The following ANKRD36 variants were observed in gnomAD, a reference collection of about 807,000 sequenced individuals.
The protein encoded by ANKRD36 is ankyrin repeat domain-containing protein 36A.
A neutral mutation model predicts 278.1 loss-of-function variants in ANKRD36; 179 were observed. The ratio of observed to expected loss-of-function variants is 0.64; its 90% CI spans 0.57 to 0.73. The LOEUF (loss-of-function observed/expected upper bound fraction) is 0.73. Among genes scored for constraint, ANKRD36 ranks in the 30% least tolerant of loss-of-function variants. ANKRD36 has a pLI of 0.00. For missense variants in ANKRD36, 1,159 were observed against 1,956.7 expected, an observed-to-expected ratio of 0.59 and a Z score of 7.69; for synonymous variants, 320 against 641.1, an observed-to-expected ratio of 0.50 and a Z score of 7.57.
chr2:97,201,192 C>G (rs12329064), intron 46 of ANKRD36, among the ~76,000 whole-genome samples: 1 of 151,620 alleles, frequency 6.6e-6, no homozygotes, highest in Non-Finnish European at 1.5e-5. Flanking sequence ...TTTGTTACTA[C>G]TAGGCATCAG....
At chr2:97,231,477 G>A (rs780792248) in intron 67 of ANKRD36, among the ~76,000 whole-genome samples, 1 of 152,140 alleles carries the variant, frequency 6.6e-6, no homozygotes, top group African/African-American at 2.4e-5. Context: ...CGTTTTTTAA[G>A]CCCGTCGGAA....
intron 26 of ANKRD36, among the ~76,000 whole-genome samples, 189 bp from the exon 27 acceptor site, chr2:97,183,270 G>A (rs572992176): frequency 6.6e-6 from 1 of 151,732 alleles, no homozygotes; most frequent in African/African-American, 2.4e-5. Flanking sequence ...TATATTTTCT[G>A]GAAGCGTGTA....
At chr2:97,140,344 T>C (rs2042574149) in intron 6 of ANKRD36, among the ~76,000 whole-genome samples, 1 of 151,884 alleles carries the variant, frequency 6.6e-6, no homozygotes, top group South Asian at 2.1e-4. Flanking sequence ...TCAGAACCCA[T>C]TTCTCTGGAA....
intron 44 of ANKRD36, among the ~76,000 whole-genome samples, chr2:97,200,018 G>T (rs2060887280): frequency 1.3e-5 from 2 of 151,892 alleles, no homozygotes; most frequent in Admixed American, 1.3e-4. Context: ...TATATGAGTT[G>T]CTCCTCTGAT....
chr2:97,142,239 G>A (rs944656011), intron 6 of ANKRD36, among the ~76,000 whole-genome samples: 22 of 152,396 alleles, frequency 1.4e-4, no homozygotes, highest in Non-Finnish European at 2.9e-5. Flanking sequence ...GTATAATGGT[G>A]TATTTCCTTC....
In ANKRD36 at chr2:97,129,449, T is replaced by C. The variant is rs564622914; in HGVS notation, c.799+2315T>C. 7.3e-4 allele frequency among the ~76,000 whole-genome samples: 111 copies of C among 152,206 alleles called. No individual in the cohort carries two copies. In the East Asian group the frequency reaches 0.018, roughly 25 times the overall value. ...CTGTTCACTCTGATGGTAATTTCTTTTGCTGTGCAGAAGCTCTTTAGTTTA... is the reference window on the plus strand; with the variant it reads ...CTGTTCACTCTGATGGTAATTTCTTCTGCTGTGCAGAAGCTCTTTAGTTTA... On this transcript the variant is annotated intron_variant, in intron 6 of 75. Transcript: ENST00000420699.
chr2:97,134,801 C>T, intron 6 of ANKRD36, among the ~76,000 whole-genome samples: 1 of 151,994 alleles, frequency 6.6e-6, no homozygotes, highest in Middle Eastern at 3.2e-3. Context: ...TCCCTGGCAA[C>T]TTGCCATACC....
chr2:97,118,101 G>A lies in ANKRD36; in HGVS notation c.235G>A (p.Glu79Lys). The change falls in exon 2 of 76, where the codon GAA (glutamate) becomes AAA (lysine). Residue 79 changes from glutamate to lysine, a missense_variant. Coordinates refer to ENST00000420699, the MANE Select transcript of ANKRD36 (RefSeq NM_001354587.1). ...TTTGGCCTGTGCCACTGGCCAACCG[G>A]AAATGGTACATCTCCTGGTGTCCAG... ...LHLACATGQP[E>K]MVHLLVSRRC... 6.4e-7 allele frequency: 1 copy of A among 1,557,808 alleles called. No homozygotes were observed. Among genetic ancestry groups the A allele is most frequent in the East Asian group, 2.4e-5 (1 of 41,468 alleles).
chr2:97,147,150 T>C (rs1263582317), intron 11 of ANKRD36, among the ~76,000 whole-genome samples: 1 of 151,894 alleles, frequency 6.6e-6, no homozygotes, highest in Admixed American at 6.6e-5. Context: ...ATGACAACTA[T>C]ATTTAGCATA....
chr2:97,178,799 G>T (rs2055198828), intron 22 of ANKRD36, among the ~76,000 whole-genome samples: 1 of 91,110 alleles, frequency 1.1e-5, no homozygotes, highest in South Asian at 2.4e-4. Flanking sequence ...TGCACAATGT[G>T]CGCATGTACC....
At chr2:97,164,493 G>C (rs200300948) in intron 20 of ANKRD36, 24 bp downstream of exon 20, 20 of 1,352,268 alleles carry the variant, frequency 1.5e-5, no homozygotes, top group Non-Finnish European at 1.9e-5. Context: ...TACAAATTTC[G>C]TTCTAGAAAA....
intron 6 of ANKRD36, among the ~76,000 whole-genome samples, chr2:97,132,274 G>C (rs1402222666): frequency 6.6e-6 from 1 of 151,724 alleles, no homozygotes; most frequent in Non-Finnish European, 1.5e-5. Flanking sequence ...GGGACTACAG[G>C]TGTGTGTCAT....
chr2:97,219,809 T>C (rs2066916169), intron 66 of ANKRD36, among the ~76,000 whole-genome samples: 1 of 140,280 alleles, frequency 7.1e-6, no homozygotes, highest in African/African-American at 2.9e-5. Flanking sequence ...TTCAGATGTT[T>C]CTACTTTTAC....
At chr2:97,143,518 T>G (rs1476726652) in intron 8 of ANKRD36, among the ~76,000 whole-genome samples, 1 of 152,240 alleles carries the variant, frequency 6.6e-6, no homozygotes, top group Non-Finnish European at 1.5e-5. Flanking sequence ...ATCAGAGATA[T>G]ATGTTTTGTT....
At chr2:97,126,689 A>G (rs1287078393) in intron 5 of ANKRD36, among the ~76,000 whole-genome samples, 3 of 151,952 alleles carry the variant, frequency 2.0e-5, no homozygotes, top group African/African-American at 7.2e-5. Flanking sequence ...CATTAAACCT[A>G]TATAACAACC....
chr2:97,208,338 T>C (rs1390740526), intron 54 of ANKRD36, among the ~76,000 whole-genome samples: 5 of 146,562 alleles, frequency 3.4e-5, no homozygotes, highest in African/African-American at 1.3e-4. Context: ...AGAGGAAGTA[T>C]AGAATTTACA....
intron 15 of ANKRD36, among the ~76,000 whole-genome samples, chr2:97,156,779 C>T (rs2047565422): frequency 6.9e-6 from 1 of 144,390 alleles, no homozygotes; most frequent in Non-Finnish European, 1.5e-5. Flanking sequence ...AGTTCTAGAT[C>T]CCTGAGGAAT....
rs765797892 is a variant in ANKRD36 at position 97,187,351 on chromosome 2, C to CT, written c.2094dup (p.Val699CysfsTer30). On this transcript the variant is annotated frameshift_variant, in exon 32 of 76. Coordinates refer to ENST00000420699, the MANE Select transcript of ANKRD36 (RefSeq NM_001354587.1). LOFTEE classifies it high-confidence loss of function. ...CAGGCTACAACTGACGAGGAAGACT[C>CT]TGTTTCGAATATAGCCACAGAAATA... The CT allele has an allele frequency of 1.2e-5, 20 of 1,608,630 alleles. No homozygotes were observed. The highest frequency in any genetic ancestry group is 1.7e-5 in the Non-Finnish European group (20 of 1,177,668).
chr2:97,220,907 C>T (rs1374599990), intron 66 of ANKRD36, among the ~76,000 whole-genome samples: 1 of 140,556 alleles, frequency 7.1e-6, no homozygotes, highest in African/African-American at 2.7e-5. Context: ...AGGTATATCT[C>T]CCAATGCTAT....
Sources: gnomAD v4.1 joint callset for allele counts (sites outside exome capture counted in the v4.1 genomes callset) on GRCh38, gnomAD v4.1.1 for gene constraint, MANE v1.5 for transcripts, NCBI Gene and HGNC (gene_info 2026-07-23, HGNC 2026-07-21) for gene names.